The following MIPOL1 variants were observed in gnomAD, a reference collection of about 807,000 sequenced individuals.
MIPOL1 encodes mirror-image polydactyly gene 1 protein.
Under a neutral mutation model 60.9 loss-of-function variants are expected in MIPOL1, and 57 were observed. The observed-to-expected ratio is 0.94, with a 90% CI of 0.76 to 1.17. MIPOL1 has a LOEUF of 1.17. Ranked by LOEUF, MIPOL1 falls within the 50% of genes most tolerant of loss-of-function variation. The probability of loss-of-function intolerance (pLI) is 0.00; values close to 1 mark genes in which losing one functional copy is unlikely to be tolerated. For synonymous variants in MIPOL1, 179 were observed against 168.8 expected, an observed-to-expected ratio of 1.06 and a Z score of -0.47; for missense variants, 551 against 511.6, an observed-to-expected ratio of 1.08 and a Z score of -0.74.
chr14:37,491,618 A>C (rs1005870829), intron 11 of MIPOL1, among the ~76,000 whole-genome samples: 3 of 152,250 alleles, frequency 2.0e-5, no homozygotes, highest in Admixed American at 1.3e-4. Context: ...AATTCAACAG[A>C]TATTTAGTGA....
intron 9 of MIPOL1, among the ~76,000 whole-genome samples, chr14:37,337,446 G>A (rs1271476860): frequency 8.0e-6 from 1 of 125,580 alleles, no homozygotes; most frequent in Non-Finnish European, 1.6e-5. Context: ...TTGGCTCACT[G>A]CAACCTCCGC....
At position 37,550,513 on chromosome 14, in the gene MIPOL1, T is replaced by TAC. The variant is rs2095559283; in HGVS notation, c.*3544_*3545dup. The TAC allele has an allele frequency of 6.8e-6, 1 of 146,380 alleles. No individual in the cohort carries two copies. Among genetic ancestry groups the TAC allele is most frequent in the African/African-American group, 2.5e-5 (1 of 39,436 alleles). The allele number at this position is 146,380 out of a possible 1,614,324, so 9.1% of individuals were successfully genotyped here. A position where few individuals can be genotyped will look rare whatever the true frequency, so the allele number is the denominator to read the frequency against. On this transcript the variant is annotated 3_prime_UTR_variant, in exon 13 of 13. Transcript: ENST00000684589. ...TATTTTACATATATATATATATATA[T>TAC]ACATGCACACACACCGATACATTTA...
At position 37,497,041 on chromosome 14, in the gene MIPOL1, G is replaced by C. The variant is rs1157491046; in HGVS notation, c.1032-2867G>C. Among the ~76,000 whole-genome samples the C allele has an allele frequency of 2.0e-5, 3 of 151,998 alleles. No homozygotes were observed. The East Asian group carries it at 5.8e-4, about 29-fold the overall frequency. On this transcript the variant is annotated intron_variant, in intron 11 of 12. Coordinates refer to ENST00000684589, the MANE Select transcript of MIPOL1 (RefSeq NM_001388067.1). The stretch of plus-strand genomic sequence containing the variant: ...CAAACCTGAGAAAAACAGGCAATGG[G>C]GAAAGGATTCCCTATTTAATAAATG...
At chr14:37,426,532 G>T (rs2093962084) in intron 11 of MIPOL1, among the ~76,000 whole-genome samples, 1 of 134,290 alleles carries the variant, frequency 7.4e-6, no homozygotes. Flanking sequence ...TTGCACTCCA[G>T]CCTGGGCAAC....
At chr14:37,451,276 A>G (rs1277090453) in intron 11 of MIPOL1, among the ~76,000 whole-genome samples, 1 of 152,170 alleles carries the variant, frequency 6.6e-6, no homozygotes, top group African/African-American at 2.4e-5. Flanking sequence ...ACTGTCTTGC[A>G]CATTGATGTA....
intron 11 of MIPOL1, among the ~76,000 whole-genome samples, chr14:37,476,069 G>C (rs1441550459): frequency 6.6e-6 from 1 of 152,080 alleles, no homozygotes; most frequent in African/African-American, 2.4e-5. Context: ...TTACACCTTT[G>C]ATTTCTTTCA....
At chr14:37,369,465 G>GAA in intron 9 of MIPOL1, 52 bp from the exon 10 acceptor site, 1 of 1,352,380 alleles carries the variant, frequency 7.4e-7, no homozygotes, top group Non-Finnish European at 1.0e-6. Flanking sequence ...GTGGCTTGGT[G>GAA]AAAAAAAATG....
At chr14:37,409,171 A>G (rs142631894) in intron 10 of MIPOL1, among the ~76,000 whole-genome samples, 3 of 152,172 alleles carry the variant, frequency 2.0e-5, no homozygotes, top group Admixed American at 2.0e-4. Context: ...CAAGATTATT[A>G]TCAGGAAAAT....
intron 11 of MIPOL1, among the ~76,000 whole-genome samples, chr14:37,443,347 TA>T (rs2094279789): frequency 6.7e-6 from 1 of 150,072 alleles, no homozygotes; most frequent in African/African-American, 2.5e-5. Flanking sequence ...TAGTTCCAGC[TA>T]CTGGGGAGGC....
At chr14:37,485,057 T>C (rs949741082) in intron 11 of MIPOL1, among the ~76,000 whole-genome samples, 5 of 152,206 alleles carry the variant, frequency 3.3e-5, no homozygotes, top group Non-Finnish European at 5.9e-5. Flanking sequence ...TGTGTTCTCA[T>C]TGTTCAATTC....
At chr14:37,341,568 AT>A (rs1312860406) in intron 9 of MIPOL1, among the ~76,000 whole-genome samples, 11 of 152,308 alleles carry the variant, frequency 7.2e-5, no homozygotes, top group African/African-American at 1.7e-4. Flanking sequence ...TACTTAAAAA[AT>A]ATCTGTATCT....
chr14:37,330,109 A>T (rs566950634), intron 9 of MIPOL1, among the ~76,000 whole-genome samples: 83 of 152,292 alleles, frequency 5.5e-4, no homozygotes, highest in African/African-American at 1.7e-3. Context: ...CAGACCTTTT[A>T]TGTGGTAATT....
chr14:37,267,986 G>A (rs966587568), intron 4 of MIPOL1, among the ~76,000 whole-genome samples: 1 of 152,038 alleles, frequency 6.6e-6, no homozygotes. Flanking sequence ...CTCATGAAAG[G>A]ATTTGAATTT....
At chr14:37,309,373 G>A (rs4900779) in intron 9 of MIPOL1, among the ~76,000 whole-genome samples, 143,560 of 152,106 alleles carry the variant, frequency 0.94, 68,110 homozygotes, top group East Asian at 1. Context: ...TGTTGTAGTC[G>A]TGTACACACT....
intron 6 of MIPOL1, among the ~76,000 whole-genome samples, chr14:37,285,012 G>C (rs1488671320): frequency 6.6e-6 from 1 of 152,128 alleles, no homozygotes; most frequent in East Asian, 1.9e-4. Flanking sequence ...TCTTCAGATG[G>C]TTGTAGAAAT....
rs111789201 is a variant in MIPOL1 at position 37,456,870 on chromosome 14, A to G, written c.1031+33921A>G. Among the ~76,000 whole-genome samples, 350 of 152,284 alleles carry G rather than the reference A, an allele frequency of 2.3e-3. 3 individuals carry two copies. Among genetic ancestry groups the G allele is most frequent in the African/African-American group, 7.8e-3 (323 of 41,584 alleles). ...AATATAGAATCTTTTGGAATAAAGT[A>G]TGAACATATGAAAACTCACTCTACA... On this transcript the variant is annotated intron_variant, in intron 11 of 12. Coordinates refer to ENST00000684589, the MANE Select transcript of MIPOL1 (RefSeq NM_001388067.1).
intron 10 of MIPOL1, among the ~76,000 whole-genome samples, chr14:37,395,348 A>G (rs1361218748): frequency 6.6e-6 from 1 of 152,060 alleles, no homozygotes; most frequent in East Asian, 1.9e-4. Context: ...CAGTGCGGTC[A>G]TTTTCAACAA....
intron 11 of MIPOL1, among the ~76,000 whole-genome samples, chr14:37,450,875 C>G (rs1309684310): frequency 6.6e-6 from 1 of 151,894 alleles, no homozygotes; most frequent in Non-Finnish European, 1.5e-5. Context: ...TGTCCACTTC[C>G]TCATTGTTTT....
intron 10 of MIPOL1, among the ~76,000 whole-genome samples, chr14:37,411,850 C>T (rs1414052846): frequency 1.3e-5 from 2 of 152,130 alleles, no homozygotes; most frequent in African/African-American, 4.8e-5. Flanking sequence ...TAGTAGAGTG[C>T]TGTTCCTTAC....
Sources: gnomAD v4.1 joint callset for allele counts (sites outside exome capture counted in the v4.1 genomes callset) on GRCh38, gnomAD v4.1.1 for gene constraint, MANE v1.5 for transcripts, NCBI Gene and HGNC (gene_info 2026-07-23, HGNC 2026-07-21) for gene names.